The following PCDHA4 variants were observed in gnomAD, a reference collection of about 807,000 sequenced individuals.
The protein encoded by PCDHA4 is protocadherin alpha 4, also known as protocadherin alpha-4.
Under a neutral mutation model 61.4 loss-of-function variants are expected in PCDHA4, and 49 were observed. The ratio of observed to expected loss-of-function variants is 0.80; its 90% confidence interval spans 0.63 to 1.01. The LOEUF is 1.01. Ranked by LOEUF, PCDHA4 falls within the 50% of genes least tolerant of loss-of-function variation. PCDHA4 has a pLI of 0.00. For synonymous variants in PCDHA4, 590 were observed against 550.3 expected (o/e 1.07, Z -1.01); for missense variants, 1,254 against 1,235.8 (o/e 1.01, Z -0.22).
intron 1 of PCDHA4, among the ~76,000 whole-genome samples, chr5:140,878,794 T>G (rs2057730678): frequency 6.6e-6 from 1 of 152,218 alleles, no homozygotes; most frequent in African/African-American, 2.4e-5. Flanking sequence ...CAATCACTTT[T>G]TAAAAACATA....
intron 1 of PCDHA4, chr5:140,883,143 C>A (rs782699546): frequency 1.2e-6 from 2 of 1,614,042 alleles, no homozygotes; most frequent in South Asian, 1.1e-5. Context: ...GTGGTATATG[C>A]ATTTACCATA....
chr5:141,000,385 C>CTA (rs2097909674), intron 3 of PCDHA4, among the ~76,000 whole-genome samples: 1 of 64,994 alleles, frequency 1.5e-5, no homozygotes, highest in Non-Finnish European at 2.9e-5. Context: ...CTCTCTCTCT[C>CTA]TCTCTCTCTC....
At chr5:140,938,705 A>G (rs1554212312) in intron 1 of PCDHA4, among the ~76,000 whole-genome samples, 1 of 152,150 alleles carries the variant, frequency 6.6e-6, no homozygotes, top group African/African-American at 2.4e-5. Context: ...ATATATGTTT[A>G]TGATAGAAAC....
rs781787163 is a variant in PCDHA4, at chr5:140,869,186, G to A, written c.2385+59614G>A. 7 of 1,614,006 alleles carry A rather than the reference G, an allele frequency of 4.3e-6. No individual in the cohort carries two copies. The South Asian group carries it at 4.4e-5, about 10-fold the overall frequency. ...CTCCTCGAATTCTGGGAGGTGGGGA[G>A]CGGCCAGCTCCACTACTCCGTCTCG... On this transcript the variant is annotated intron_variant, in intron 1 of 3. Transcript: ENST00000530339.
At chr5:140,836,324 T>A (rs1774378159) in intron 1 of PCDHA4, 3 of 1,613,578 alleles carry the variant, frequency 1.9e-6, no homozygotes, top group Non-Finnish European at 2.5e-6. Context: ...GCCACCGCCT[T>A]CTGGTGCTTG....
chr5:140,875,484 C>T (rs1442383636), intron 1 of PCDHA4: 2 of 1,611,246 alleles, frequency 1.2e-6, no homozygotes, highest in Non-Finnish European at 1.7e-6. Flanking sequence ...TGGTGATTAT[C>T]GGACCAAGAG....
At chr5:140,907,134 C>A (rs1167927748) in intron 1 of PCDHA4, among the ~76,000 whole-genome samples, 1 of 152,112 alleles carries the variant, frequency 6.6e-6, no homozygotes, top group Non-Finnish European at 1.5e-5. Flanking sequence ...CCTGTGAATT[C>A]CGGCTATGGG....
intron 1 of PCDHA4, chr5:140,856,523 G>T: frequency 6.3e-7 from 1 of 1,598,526 alleles, no homozygotes; most frequent in Non-Finnish European, 8.6e-7. Context: ...CGCATCTGAT[G>T]CGGATGTTGG....
chr5:140,882,129 T>G lies in PCDHA4; in HGVS notation c.2385+72557T>G. 10 of 1,473,110 alleles carry G rather than the reference T, an allele frequency of 6.8e-6. No homozygotes were observed. The South Asian group carries it at 9.9e-5, about 15-fold the overall frequency. The allele number at this position is 1,473,110 out of a possible 1,614,324, so 91.3% of individuals were successfully genotyped here. On this transcript the variant is annotated intron_variant, in intron 1 of 3. Transcript: ENST00000530339. ...AAGAAAGCCGCCGTTTCTTTCTTCC[T>G]GCAGAAAATATAGCAGAAAGCGGAA...
At position 140,807,122 on chromosome 5, in the gene PCDHA4, G is replaced by T. The variant is rs1167466402; in HGVS notation, c.-66G>T. ...AGGATGCAGCTGCACTTGACTGACCGATTAAAAGATTTCCCTTGACTTTGA... is the reference window on the plus strand; with the variant it reads ...AGGATGCAGCTGCACTTGACTGACCTATTAAAAGATTTCCCTTGACTTTGA... On this transcript the variant is annotated 5_prime_UTR_variant, in exon 1 of 4. Transcript: ENST00000530339. 1.3e-6 allele frequency: 2 copies of T among 1,540,096 alleles called. No homozygotes were observed. Among genetic ancestry groups the T allele is most frequent in the Non-Finnish European group, 8.8e-7 (1 of 1,134,720 alleles).
intron 1 of PCDHA4, among the ~76,000 whole-genome samples, chr5:140,964,650 TG>T (rs1554227136): frequency 6.6e-6 from 1 of 151,800 alleles, no homozygotes; most frequent in Non-Finnish European, 1.5e-5. Flanking sequence ...AAACAAGTAA[TG>T]GGTGAGGACA....
At chr5:140,903,609 A>G (rs565435427) in intron 1 of PCDHA4, among the ~76,000 whole-genome samples, 2 of 152,360 alleles carry the variant, frequency 1.3e-5, no homozygotes, top group Admixed American at 6.5e-5. Flanking sequence ...CTTAATACAC[A>G]TGAATGTGCA....
intron 1 of PCDHA4, among the ~76,000 whole-genome samples, chr5:140,885,862 T>C (rs2060742623): frequency 6.6e-6 from 1 of 152,182 alleles, no homozygotes; most frequent in African/African-American, 2.4e-5. Flanking sequence ...TACTTTTCTA[T>C]TGAAAAAAAA....
At chr5:140,824,277 C>A in intron 1 of PCDHA4, 1 of 1,143,246 alleles carries the variant, frequency 8.7e-7, no homozygotes, top group Non-Finnish European at 1.3e-6. Context: ...GTATTATATG[C>A]TTTTTATGAG....
At chr5:140,995,689 T>A (rs528829345) in intron 3 of PCDHA4, among the ~76,000 whole-genome samples, 33 of 152,250 alleles carry the variant, frequency 2.2e-4, no homozygotes, top group Admixed American at 6.5e-4. Flanking sequence ...TTTTAATTGT[T>A]AAATAAAGGG....
chr5:140,888,558 C>T (rs782768307), intron 1 of PCDHA4, among the ~76,000 whole-genome samples: 6 of 152,188 alleles, frequency 3.9e-5, no homozygotes, highest in Non-Finnish European at 7.3e-5. Flanking sequence ...TTATTCCTTT[C>T]AAGGCTTCAT....
chr5:140,887,242 G>A (rs1445154638), intron 1 of PCDHA4, among the ~76,000 whole-genome samples: 2 of 151,722 alleles, frequency 1.3e-5, no homozygotes, highest in African/African-American at 4.8e-5. Flanking sequence ...GACTACCGGC[G>A]CCCGCCACCA....
chr5:140,967,670 G>A (rs1554229754), intron 1 of PCDHA4: 1 of 1,614,092 alleles, frequency 6.2e-7, no homozygotes, highest in Non-Finnish European at 8.5e-7. Flanking sequence ...CTACACGTCG[G>A]ACCGGGAGAG....
intron 1 of PCDHA4, chr5:140,928,607 G>T: frequency 1.2e-6 from 2 of 1,614,188 alleles, no homozygotes; most frequent in Non-Finnish European, 1.7e-6. Context: ...ATTGTGCCCC[G>T]CTCTGCCAGG....
Sources: gnomAD v4.1 joint callset for allele counts (sites outside exome capture counted in the v4.1 genomes callset) on GRCh38, gnomAD v4.1.1 for gene constraint, MANE v1.5 for transcripts, NCBI Gene and HGNC (gene_info 2026-07-23, HGNC 2026-07-21) for gene names.